PTPRG: variants seen among roughly 807,000 people sequenced by gnomAD.
PTPRG encodes receptor-type tyrosine-protein phosphatase gamma.
A neutral mutation model predicts 165.3 loss-of-function variants in PTPRG; 102 were observed. That is an observed-to-expected ratio of 0.62 (90% CI 0.53 to 0.73). PTPRG has a LOEUF of 0.73. Among genes scored for constraint, PTPRG ranks in the 30% least tolerant of loss-of-function variants. PTPRG has a pLI of 0.00. For synonymous variants in PTPRG, 675 were observed against 669.5 expected, an observed-to-expected ratio of 1.01 and a Z score of -0.13; for missense variants, 1,866 against 1,861.4, an observed-to-expected ratio of 1.00 and a Z score of -0.05.
intron 2 of PTPRG, among the ~76,000 whole-genome samples, chr3:61,864,690 T>C (rs585529): frequency 0.43 from 65,434 of 151,958 alleles, 15,205 homozygotes; most frequent in East Asian, 0.61. Context: ...ACCAGCCACC[T>C]GGAGCATTCC....
chr3:62,182,653 C>G (rs1705703597), intron 8 of PTPRG, among the ~76,000 whole-genome samples: 1 of 151,006 alleles, frequency 6.6e-6, no homozygotes, highest in African/African-American at 2.4e-5. Flanking sequence ...TTAACAGTAA[C>G]TAATTCTTTG....
chr3:62,115,125 A>G (rs1702813209), intron 5 of PTPRG, among the ~76,000 whole-genome samples: 1 of 152,148 alleles, frequency 6.6e-6, no homozygotes, highest in South Asian at 2.1e-4. Flanking sequence ...GCATCGTCAC[A>G]TGTTTCTCAT....
chr3:62,266,603 C>T (rs1701882708), intron 17 of PTPRG, among the ~76,000 whole-genome samples: 1 of 151,810 alleles, frequency 6.6e-6, no homozygotes, highest in African/African-American at 2.4e-5. Flanking sequence ...ATAGAGGGCT[C>T]TCAAAAATTG....
intron 2 of PTPRG, among the ~76,000 whole-genome samples, chr3:61,825,035 A>G (rs2036065192): frequency 6.6e-6 from 1 of 152,224 alleles, no homozygotes; most frequent in Non-Finnish European, 1.5e-5. Flanking sequence ...GCAAAAGGTG[A>G]CATGCCAGAG....
At chr3:62,147,443 C>A (rs748173928) in intron 6 of PTPRG, among the ~76,000 whole-genome samples, 15 of 152,162 alleles carry the variant, frequency 9.9e-5, no homozygotes, top group Non-Finnish European at 1.9e-4. Context: ...GTGAGTCCTA[C>A]TGAATAATGT....
At chr3:61,834,310 C>T (rs1289366826) in intron 2 of PTPRG, among the ~76,000 whole-genome samples, 1 of 152,052 alleles carries the variant, frequency 6.6e-6, no homozygotes, top group Admixed American at 6.6e-5. Flanking sequence ...ATTTTATGGC[C>T]TTAAGAGTGT....
At chr3:61,822,277 G>A (rs868654946) in intron 2 of PTPRG, among the ~76,000 whole-genome samples, 22 of 152,268 alleles carry the variant, frequency 1.4e-4, no homozygotes, top group African/African-American at 5.3e-4. Context: ...GTAGCCGTTG[G>A]GTTTCACGTT....
chr3:61,820,762 A>G (rs906625072), intron 2 of PTPRG, among the ~76,000 whole-genome samples: 1 of 152,000 alleles, frequency 6.6e-6, no homozygotes, highest in Admixed American at 6.5e-5. Flanking sequence ...ACAGCTAGCT[A>G]TAGCATTCAT....
intron 2 of PTPRG, among the ~76,000 whole-genome samples, chr3:61,789,803 C>G (rs893895375): frequency 6.6e-6 from 1 of 152,070 alleles, no homozygotes; most frequent in Non-Finnish European, 1.5e-5. Flanking sequence ...CTTTGTTTCA[C>G]GAGTTGATTG....
At chr3:62,027,138 A>C (rs1361014294) in intron 4 of PTPRG, among the ~76,000 whole-genome samples, 2 of 152,058 alleles carry the variant, frequency 1.3e-5, no homozygotes, top group Non-Finnish European at 2.9e-5. Context: ...CTCCATGGCT[A>C]GTTAGTAGAA....
Position 62,190,678 on chromosome 3 carries a change from T to A in PTPRG, c.1034-791T>A, listed in dbSNP as rs906770062. Among the ~76,000 whole-genome samples, 3 of 152,166 alleles carry A rather than the reference T, an allele frequency of 2.0e-5. No homozygotes were observed. The highest frequency in any genetic ancestry group is 7.2e-5 in the African/African-American group (3 of 41,434). ...GACTTTGCTTTAAAATTATTTAAAG[T>A]CTCATCTTAAATTTATTTATTTACA... On this transcript the variant is annotated intron_variant, in intron 8 of 29. Transcript: ENST00000474889. The surrounding 1 kb of genome is among the most constrained non-coding windows in gnomAD (Gnocchi z 5.2).
intron 2 of PTPRG, among the ~76,000 whole-genome samples, chr3:61,944,012 A>G (rs1033105969): frequency 6.6e-6 from 1 of 152,180 alleles, no homozygotes; most frequent in East Asian, 1.9e-4. Context: ...AGCAGGTGCT[A>G]TATGCCTTGG....
intron 1 of PTPRG, among the ~76,000 whole-genome samples, chr3:61,624,044 G>A (rs1410508086): frequency 1.3e-5 from 2 of 152,110 alleles, no homozygotes; most frequent in Non-Finnish European, 2.9e-5. Context: ...CTGAACTCAG[G>A]AGCAGATCAA....
At chr3:62,249,511 T>G (rs981910248) in intron 15 of PTPRG, among the ~76,000 whole-genome samples, 1 of 152,056 alleles carries the variant, frequency 6.6e-6, no homozygotes, top group African/African-American at 2.4e-5. Context: ...TGGGATAGGG[T>G]TGAGAGATCT....
chr3:61,829,802 A>G (rs1432585155), intron 2 of PTPRG, among the ~76,000 whole-genome samples: 2 of 152,158 alleles, frequency 1.3e-5, no homozygotes, highest in Non-Finnish European at 1.5e-5. Flanking sequence ...ATCACCCGGT[A>G]GATTAATTTA....
intron 4 of PTPRG, among the ~76,000 whole-genome samples, chr3:62,019,245 G>A (rs965266714): frequency 3.3e-5 from 5 of 152,150 alleles, no homozygotes; most frequent in Admixed American, 6.5e-5. Context: ...TCCTCAGGCC[G>A]GATGTAGTAG....
At chr3:62,032,807 G>A (rs1030244261) in intron 4 of PTPRG, among the ~76,000 whole-genome samples, 6 of 152,046 alleles carry the variant, frequency 3.9e-5, no homozygotes, top group Non-Finnish European at 5.9e-5. Context: ...AAATCATGAC[G>A]CCTCTTCATG....
chr3:62,137,519 C>T (rs1362900730), intron 6 of PTPRG, among the ~76,000 whole-genome samples: 2 of 152,166 alleles, frequency 1.3e-5, no homozygotes, highest in African/African-American at 2.4e-5. Flanking sequence ...TGGGCCCTTT[C>T]TGTCGACCAG....
intron 4 of PTPRG, among the ~76,000 whole-genome samples, chr3:62,016,130 C>G (rs887275707): frequency 6.6e-6 from 1 of 152,074 alleles, no homozygotes; most frequent in Non-Finnish European, 1.5e-5. Flanking sequence ...ACATAGAGTA[C>G]TTTGAGCAGG....
Sources: gnomAD v4.1 joint callset for allele counts (sites outside exome capture counted in the v4.1 genomes callset) on GRCh38, gnomAD v4.1.1 for gene constraint, Gnocchi (gnomAD v3.1) non-coding constraint, MANE v1.5 for transcripts, NCBI Gene and HGNC (gene_info 2026-07-23, HGNC 2026-07-21) for gene names.